The following PLCB1 variants were observed in gnomAD, a reference collection of about 807,000 sequenced individuals.
PLCB1 encodes the protein phospholipase C beta 1.
PLCB1 carries 46 observed loss-of-function variants against 161.8 expected under a neutral mutation model. That is an observed-to-expected ratio of 0.28 (90% CI 0.22 to 0.36). The LOEUF is 0.36. Ranked by LOEUF, PLCB1 falls within the 10% of genes least tolerant of loss-of-function variation. The pLI, the probability that PLCB1 is intolerant of heterozygous loss-of-function variation, is 1.00. For missense variants in PLCB1, 1,016 were observed against 1,472.5 expected (o/e 0.69, Z 5.07); for synonymous variants, 517 against 503.7 (o/e 1.03, Z -0.35).
At chr20:8,754,600 G>A (rs933641032) in intron 23 of PLCB1, among the ~76,000 whole-genome samples, 1 of 152,058 alleles carries the variant, frequency 6.6e-6, no homozygotes, top group Non-Finnish European at 1.5e-5. Flanking sequence ...AGATCCCCAC[G>A]GAATAGGGAC....
At chr20:8,695,385 C>T (rs1350892841) in intron 10 of PLCB1, among the ~76,000 whole-genome samples, 1 of 152,104 alleles carries the variant, frequency 6.6e-6, no homozygotes, top group Non-Finnish European at 1.5e-5. Flanking sequence ...ATCAATATGC[C>T]ATCTTTTAAC....
At chr20:8,570,503 A>G (rs1225067121) in intron 3 of PLCB1, among the ~76,000 whole-genome samples, 1 of 152,142 alleles carries the variant, frequency 6.6e-6, no homozygotes, top group African/African-American at 2.4e-5. Flanking sequence ...TACCACGCTG[A>G]TTAATTTTTT....
chr20:8,690,928 A>C (rs1990463800), intron 10 of PLCB1, among the ~76,000 whole-genome samples: 1 of 152,222 alleles, frequency 6.6e-6, no homozygotes, highest in South Asian at 2.1e-4. Context: ...TGATTTTTGC[A>C]AAGGCAGTCA....
intron 3 of PLCB1, among the ~76,000 whole-genome samples, chr20:8,468,479 G>A (rs1000200446): frequency 1.1e-4 from 17 of 152,124 alleles, no homozygotes; most frequent in Admixed American, 9.8e-4. Context: ...TAAAATGGAT[G>A]ATTTTCTGTG....
intron 2 of PLCB1, chr20:8,248,925 G>C (rs909756080): frequency 1.3e-5 from 2 of 151,906 alleles, no homozygotes; most frequent in Non-Finnish European, 2.9e-5. Context: ...TAAATGAATG[G>C]ATAAGCTGAG....
chr20:8,526,556 C>T (rs1326777303), intron 3 of PLCB1, among the ~76,000 whole-genome samples: 2 of 152,050 alleles, frequency 1.3e-5, no homozygotes, highest in African/African-American at 2.4e-5. Context: ...ACATTTCCAT[C>T]GGCCTTTCCT....
chr20:8,700,017 G>A (rs1990664015), intron 11 of PLCB1, among the ~76,000 whole-genome samples: 1 of 152,130 alleles, frequency 6.6e-6, no homozygotes, highest in African/African-American at 2.4e-5. Context: ...CTCAGACCTT[G>A]CTATGGTCCT....
chr20:8,240,042 A>G (rs1188574092), intron 2 of PLCB1, among the ~76,000 whole-genome samples: 2 of 152,026 alleles, frequency 1.3e-5, no homozygotes, highest in African/African-American at 4.8e-5. Context: ...CAAATTATCC[A>G]TAGTTTTCTA....
intron 23 of PLCB1, among the ~76,000 whole-genome samples, chr20:8,748,856 T>A (rs1981307011): frequency 6.6e-6 from 1 of 152,196 alleles, no homozygotes; most frequent in African/African-American, 2.4e-5. Context: ...CTATGTGAGA[T>A]GATGGATATG....
intron 3 of PLCB1, among the ~76,000 whole-genome samples, chr20:8,510,531 A>G (rs1248126247): frequency 6.6e-6 from 1 of 151,864 alleles, no homozygotes; most frequent in Admixed American, 6.6e-5. Flanking sequence ...GATTACAGGC[A>G]TGGGCCACCA....
At chr20:8,739,515 CAT>C (rs1332510486) in intron 21 of PLCB1, among the ~76,000 whole-genome samples, 155 bp downstream of exon 21, 6 of 152,200 alleles carry the variant, frequency 3.9e-5, no homozygotes, top group African/African-American at 1.2e-4. Context: ...GTTTTTGTGA[CAT>C]GTTGTAGTAT....
intron 10 of PLCB1, among the ~76,000 whole-genome samples, chr20:8,693,417 A>G (rs1239776630): frequency 6.6e-6 from 1 of 152,188 alleles, no homozygotes; most frequent in African/African-American, 2.4e-5. Flanking sequence ...AAATCAGATC[A>G]AACAGATGCA....
chr20:8,667,743 T>C (rs985104035), intron 9 of PLCB1, among the ~76,000 whole-genome samples: 2 of 152,144 alleles, frequency 1.3e-5, no homozygotes, highest in Admixed American at 6.5e-5. Context: ...ATAAGTGAGC[T>C]TGGTAGCCTC....
chr20:8,150,259 T>C, intron 1 of PLCB1, 35 bp from the exon 2 acceptor site: 1 of 901,258 alleles, frequency 1.1e-6, no homozygotes, highest in Non-Finnish European at 1.8e-6. Flanking sequence ...TACAGTGATA[T>C]ATGTTGATAT....
At chr20:8,628,932 CAAAA>C (rs540325935) in intron 4 of PLCB1, among the ~76,000 whole-genome samples, 2 of 144,430 alleles carry the variant, frequency 1.4e-5, no homozygotes, top group African/African-American at 5.0e-5. Flanking sequence ...GACTGTATCT[CAAAA>C]AAAAAAAATA....
intron 3 of PLCB1, among the ~76,000 whole-genome samples, chr20:8,499,730 G>C (rs1202390196): frequency 6.6e-6 from 1 of 152,172 alleles, no homozygotes; most frequent in Non-Finnish European, 1.5e-5. Flanking sequence ...GATAAAAACA[G>C]AAGCACACAT....
rs1448540466 is a variant in PLCB1 at position 8,227,538 on chromosome 20, T to G, written c.177+77167T>G. On this transcript the variant is annotated intron_variant, in intron 2 of 31. Coordinates refer to ENST00000338037, the MANE Select transcript of PLCB1 (RefSeq NM_015192.4). ...GATTACAGGCAGCTGCTCGATGCCT[T>G]GCCACTTCCCCTCTCAGTGAGTCCA... is the stretch of plus-strand genomic sequence containing the variant. Among the ~76,000 whole-genome samples the G allele has an allele frequency of 2.6e-5, 4 of 152,174 alleles. 1 individual carries two copies. Among genetic ancestry groups the G allele is most frequent in the Admixed American group, 2.0e-4 (3 of 15,264 alleles).
intron 2 of PLCB1, 156 bp downstream of exon 2, chr20:8,150,527 A>G (rs2051499373): frequency 4.5e-6 from 2 of 448,946 alleles, no homozygotes; most frequent in African/African-American, 2.0e-5. Flanking sequence ...TATTCTTAGG[A>G]CTTAGGACGT....
In PLCB1 at chr20:8,422,772, A is replaced by G. The variant is rs77065117; in HGVS notation, c.246+51322A>G. Among the ~76,000 whole-genome samples the G allele has an allele frequency of 5.2e-3, 786 of 152,292 alleles. 9 individuals are homozygous for G. Among genetic ancestry groups the G allele is most frequent in the African/African-American group, 0.018 (740 of 41,562 alleles). On this transcript the variant is annotated intron_variant, in intron 3 of 31. Transcript: ENST00000338037. ...GTTCCAGTGACTTCATGGTCATGCC[A>G]GTCAGCGTTACCAGCAATCCAGATG...
Sources: gnomAD v4.1 joint callset for allele counts (sites outside exome capture counted in the v4.1 genomes callset) on GRCh38, gnomAD v4.1.1 for gene constraint, MANE v1.5 for transcripts, NCBI Gene and HGNC (gene_info 2026-07-23, HGNC 2026-07-21) for gene names.